Variants in GPAT4 observed in about 807,000 individuals in gnomAD.
The protein encoded by GPAT4 is glycerol-3-phosphate acyltransferase 4, also known as 1-AGP acyltransferase 6.
GPAT4 carries 17 observed loss-of-function variants against 58.0 expected under a neutral mutation model. The ratio of observed to expected loss-of-function variants is 0.29; its 90% CI spans 0.20 to 0.44. GPAT4 has a LOEUF of 0.44. Among genes scored for constraint, GPAT4 ranks in the 20% least tolerant of loss-of-function variants. The pLI is 1.00. For synonymous variants in GPAT4, 204 were observed against 210.1 expected (o/e 0.97, Z 0.25); for missense variants, 377 against 574.5 (o/e 0.66, Z 3.51).
At chr8:41,612,370 TGC>T in intron 7 of GPAT4, 97 bp downstream of exon 7, 6 of 1,245,030 alleles carry the variant, frequency 4.8e-6, no homozygotes, top group South Asian at 1.3e-5. Flanking sequence ...AACACATTTA[TGC>T]GTGGGCCAGG....
Position 41,624,979 on chromosome 8 carries a change from CAATA to C in GPAT4, c.*3982_*3985del, listed in dbSNP as rs1036248028. 1 of 152,162 alleles carries C rather than the reference CAATA, an allele frequency of 6.6e-6. No individual in the cohort carries two copies. The highest frequency in any genetic ancestry group is 2.4e-5 in the African/African-American group (1 of 41,428). 9.4% of individuals were successfully genotyped at this position (152,162 alleles called of 1,614,324 possible). ...TTTTGATAAATAATCACTTGTAAGT[CAATA>C]AATTTTTATTAAACAGTGTGGCTCT... On this transcript the variant is annotated 3_prime_UTR_variant, in exon 13 of 13. Coordinates refer to ENST00000396987, the MANE Select transcript of GPAT4 (RefSeq NM_178819.4).
chr8:41,585,384 G>A (rs958742902), intron 1 of GPAT4, among the ~76,000 whole-genome samples: 8 of 136,172 alleles, frequency 5.9e-5, no homozygotes, highest in East Asian at 4.2e-4. Flanking sequence ...CAGCCATTCC[G>A]TAACTTGTCC....
intron 1 of GPAT4, among the ~76,000 whole-genome samples, chr8:41,594,827 A>G (rs35939362): frequency 0.23 from 34,878 of 152,032 alleles, 4,037 homozygotes; most frequent in East Asian, 0.28. Flanking sequence ...TTTCAGGCGT[A>G]AGCCACCGTG....
chr8:41,586,716 C>G (rs1439759624), intron 1 of GPAT4, among the ~76,000 whole-genome samples: 1 of 152,196 alleles, frequency 6.6e-6, no homozygotes, highest in Non-Finnish European at 1.5e-5. Context: ...CTCACCACCT[C>G]TCTTATGAAT....
At chr8:41,596,982 A>G (rs147814840) in intron 1 of GPAT4, among the ~76,000 whole-genome samples, 1 of 152,264 alleles carries the variant, frequency 6.6e-6, no homozygotes, top group Non-Finnish European at 1.5e-5. Flanking sequence ...TGGGAGCTGC[A>G]TGCACCGGTA....
At chr8:41,610,110 G>C (rs1241037587) in intron 4 of GPAT4, 155 bp downstream of exon 4, 22 of 1,447,576 alleles carry the variant, frequency 1.5e-5, no homozygotes, top group Non-Finnish European at 2.0e-5. Context: ...ATACACTGGT[G>C]ATTCTCCTTT....
At chr8:41,612,773 T>C in intron 7 of GPAT4, 72 bp from the exon 8 acceptor site, 1 of 1,336,454 alleles carries the variant, frequency 7.5e-7, no homozygotes, top group Non-Finnish European at 1.0e-6. Flanking sequence ...TTGTGAGATG[T>C]GGTTCTTCCT....
chr8:41,601,266 T>C (rs567763395), intron 2 of GPAT4, among the ~76,000 whole-genome samples: 36 of 152,296 alleles, frequency 2.4e-4, no homozygotes, highest in Non-Finnish European at 5.3e-4. Flanking sequence ...CCCAGACCTA[T>C]TGAGTTAGAC....
rs1049796013 is a variant in GPAT4, at chr8:41,620,887, C to T, written c.1263-6C>T. On this transcript the variant is annotated splice_polypyrimidine_tract_variant and splice_region_variant and intron_variant, in intron 12 of 12. Transcript: ENST00000396987. ...CTGTTACTACATCCAGCCTTTGTCT[C>T]TCCAGGGATGGGGGCCTGAAGAGGG... 2.6e-6 allele frequency: 4 copies of T among 1,550,408 alleles called. No individual in the cohort carries two copies. The highest frequency in any genetic ancestry group is 3.5e-6 in the Non-Finnish European group (4 of 1,147,006).
intron 1 of GPAT4, among the ~76,000 whole-genome samples, chr8:41,594,691 G>A (rs1299347503): frequency 1.3e-5 from 2 of 151,704 alleles, no homozygotes; most frequent in South Asian, 2.1e-4. Context: ...GACTACAGGC[G>A]CCCGCCACCA....
intron 1 of GPAT4, among the ~76,000 whole-genome samples, chr8:41,585,887 G>A (rs1802639393): frequency 1.3e-5 from 2 of 152,254 alleles, no homozygotes; most frequent in South Asian, 4.1e-4. Context: ...CCACTCTGCA[G>A]AATGCAGTTG....
At chr8:41,600,036 C>CTTTTTTTTTTTTTTTTTTTTT (rs758905649) in intron 2 of GPAT4, among the ~76,000 whole-genome samples, 17 of 100,326 alleles carry the variant, frequency 1.7e-4, no homozygotes, top group African/African-American at 4.0e-4. Context: ...TTTTTCTTTT[C>CTTTTTTTTTTTTTTTTTTTTT]TTTTTTTTTT....
intron 1 of GPAT4, among the ~76,000 whole-genome samples, chr8:41,590,291 TGGCCCG>T (rs567906752): frequency 6.6e-6 from 1 of 152,350 alleles, no homozygotes; most frequent in Admixed American, 6.5e-5. Flanking sequence ...TTCACCATGT[TGGCCCG>T]GCTGGTCTCA....
chr8:41,590,597 G>T (rs1406542561), intron 1 of GPAT4, among the ~76,000 whole-genome samples: 5 of 152,300 alleles, frequency 3.3e-5, no homozygotes, highest in East Asian at 3.9e-4. Context: ...TTACTTGAGG[G>T]TGGTATATGT....
chr8:41,607,120 C>G (rs937711166), intron 2 of GPAT4, among the ~76,000 whole-genome samples: 6 of 152,134 alleles, frequency 3.9e-5, no homozygotes, highest in Non-Finnish European at 8.8e-5. Context: ...TTCTCAAACT[C>G]CTGGGCTTAA....
rs1334971287 is a variant in GPAT4, at chr8:41,622,979, G to A, written c.*1978G>A. 1.3e-5 allele frequency: 2 copies of A among 152,190 alleles called. No individual in the cohort carries two copies. The allele number at this position is 152,190 out of a possible 1,614,324, so 9.4% of individuals were successfully genotyped here. A position where few individuals can be genotyped will look rare whatever the true frequency, so the allele number is the denominator to read the frequency against. ...AGGTTCTCTTTTAAAAAGTTCATCT[G>A]AAACTTTATGGTTTGTTACTTTCGT... On this transcript the variant is annotated 3_prime_UTR_variant, in exon 13 of 13. Coordinates refer to ENST00000396987, the MANE Select transcript of GPAT4 (RefSeq NM_178819.4).
Position 41,621,772 on chromosome 8 carries a change from G to C in GPAT4, c.*771G>C, listed in dbSNP as rs1803759268. On this transcript the variant is annotated 3_prime_UTR_variant, in exon 13 of 13. Transcript: ENST00000396987. ...ACAGGGCTGTTGTGGGGATTAAAGT[G>C]CTGCGGGTGAGTGAAGGACACATCA... The C allele has an allele frequency of 6.6e-6, 1 of 152,318 alleles. No individual in the cohort carries two copies. The highest frequency in any genetic ancestry group is 1.5e-5 in the Non-Finnish European group (1 of 68,116). 9.4% of individuals were successfully genotyped at this position (152,318 alleles called of 1,614,324 possible). A position where few individuals can be genotyped will look rare whatever the true frequency, so the allele number is the denominator to read the frequency against.
chr8:41,611,152 G>C (rs571389407), intron 5 of GPAT4, among the ~76,000 whole-genome samples: 2 of 152,308 alleles, frequency 1.3e-5, no homozygotes, highest in East Asian at 3.9e-4. Flanking sequence ...TTGAATCCAG[G>C]GGGCAGAGGT....
chr8:41,609,145 G>A (rs768181255), intron 2 of GPAT4, among the ~76,000 whole-genome samples: 8 of 152,234 alleles, frequency 5.3e-5, no homozygotes, highest in African/African-American at 9.6e-5. Flanking sequence ...ACAGAGAGAC[G>A]TAGGCAGTGA....
Sources: allele counts gnomAD v4.1 joint callset (sites outside exome capture counted in the v4.1 genomes callset), GRCh38; gene constraint gnomAD v4.1.1; transcripts MANE v1.5; gene names NCBI Gene and HGNC (gene_info 2026-07-23, HGNC 2026-07-21).